Variants in KLHL29 observed in about 807,000 individuals in gnomAD.
The protein encoded by KLHL29 is kelch-like protein 29.
In KLHL29, 21 loss-of-function variants were observed where a neutral mutation model predicts 80.4. The ratio of observed to expected loss-of-function variants is 0.26; its 90% CI spans 0.19 to 0.38. The LOEUF (loss-of-function observed/expected upper bound fraction) is 0.38, where lower values mean the gene tolerates loss of function less well. Among genes scored for constraint, KLHL29 ranks in the 10% least tolerant of loss-of-function variants. The probability of loss-of-function intolerance (pLI) is 1.00; values close to 1 mark genes in which losing one functional copy is unlikely to be tolerated. For synonymous variants in KLHL29, 511 were observed against 526.8 expected, an observed-to-expected ratio of 0.97 and a Z score of 0.41; for missense variants, 867 against 1,223.9, an observed-to-expected ratio of 0.71 and a Z score of 4.35.
chr2:23,491,644 C>T (rs1224186520), intron 2 of KLHL29, among the ~76,000 whole-genome samples: 1 of 152,142 alleles, frequency 6.6e-6, no homozygotes, highest in Non-Finnish European at 1.5e-5. Flanking sequence ...ATATCACTGT[C>T]TTCCAGCCCT....
Position 23,691,891 on chromosome 2 carries a change from C to T in KLHL29, c.1282+15C>T, listed in dbSNP as rs1364971763. 2.6e-6 allele frequency: 4 copies of T among 1,546,398 alleles called. No homozygotes were observed. In the South Asian group the frequency reaches 4.8e-5, roughly 18 times the overall value. Reference sequence around the variant, plus strand: ...GTCCTTTCTCGGTGAGCCCGGGGGCCACATATGTCGCTTGGGGGGAAGAGT... The same window carrying T: ...GTCCTTTCTCGGTGAGCCCGGGGGCTACATATGTCGCTTGGGGGGAAGAGT... On this transcript the variant is annotated intron_variant, in intron 7 of 13. Coordinates refer to ENST00000486442, the MANE Select transcript of KLHL29 (RefSeq NM_052920.2).
At chr2:23,554,953 T>C (rs1667246071) in intron 2 of KLHL29, among the ~76,000 whole-genome samples, 1 of 152,012 alleles carries the variant, frequency 6.6e-6, no homozygotes, top group African/African-American at 2.4e-5. Flanking sequence ...GGCACCAGGA[T>C]TTCCTTCCTG....
Position 23,614,932 on chromosome 2 carries a change from A to G in KLHL29, c.286-24207A>G, listed in dbSNP as rs540907077. 2.0e-4 allele frequency among the ~76,000 whole-genome samples: 30 copies of G among 152,290 alleles called. No individual in the cohort carries two copies. In the South Asian group the frequency reaches 6.2e-3, roughly 32 times the overall value. ...CCCTGGGCATTGATGATGGGAATGG[A>G]GTGTGCTGCTCCCTGCAGCCCCAGG... On this transcript the variant is annotated intron_variant, in intron 3 of 13. Transcript: ENST00000486442.
At chr2:23,554,847 G>A (rs1021633120) in intron 2 of KLHL29, among the ~76,000 whole-genome samples, 1 of 152,160 alleles carries the variant, frequency 6.6e-6, no homozygotes, top group Non-Finnish European at 1.5e-5. Flanking sequence ...CTGCGTGGCA[G>A]GGCTGCCGAT....
intron 3 of KLHL29, among the ~76,000 whole-genome samples, chr2:23,606,581 C>T (rs1433804857): frequency 1.3e-5 from 2 of 152,214 alleles, no homozygotes; most frequent in African/African-American, 4.8e-5. Flanking sequence ...GTCTTATAAA[C>T]GCAATTAGCA....
chr2:23,431,690 G>A (rs1375952363), intron 1 of KLHL29, among the ~76,000 whole-genome samples: 8 of 152,062 alleles, frequency 5.3e-5, no homozygotes, highest in Non-Finnish European at 7.4e-5. Flanking sequence ...TCAGGAGATC[G>A]AGACCATCCT....
intron 2 of KLHL29, among the ~76,000 whole-genome samples, chr2:23,548,303 GCACACA>G (rs377087178): frequency 1.4e-4 from 21 of 149,500 alleles, no homozygotes; most frequent in African/African-American, 4.7e-4. Flanking sequence ...ACACACACAG[GCACACA>G]CACACACAGA....
At position 23,703,706 on chromosome 2, in the gene KLHL29, G is replaced by C. The variant is rs758006127; in HGVS notation, c.2300-13G>C. ...CAAGCTGCCGTGACCTGCCTGCTCTGCTCTCCTCACAGACAACAAGTATGC... is the reference window on the plus strand; with the variant it reads ...CAAGCTGCCGTGACCTGCCTGCTCTCCTCTCCTCACAGACAACAAGTATGC... On this transcript the variant is annotated splice_polypyrimidine_tract_variant and intron_variant, in intron 12 of 13. Transcript: ENST00000486442. The C allele has an allele frequency of 9.1e-6, 14 of 1,532,586 alleles. No individual in the cohort carries two copies. The highest frequency in any genetic ancestry group is 1.7e-4 in the Middle Eastern group (1 of 5,970). 94.9% of individuals were successfully genotyped at this position (1,532,586 alleles called of 1,614,324 possible).
intron 3 of KLHL29, among the ~76,000 whole-genome samples, chr2:23,625,749 C>T (rs1302792358): frequency 1.3e-5 from 2 of 152,280 alleles, no homozygotes; most frequent in Middle Eastern, 3.4e-3. Flanking sequence ...AGGTTGAAGC[C>T]CTAATTACCA....
rs953044277 is a variant in KLHL29, at chr2:23,420,716, C to T, written c.-154+34936C>T. On this transcript the variant is annotated intron_variant, in intron 1 of 13. Coordinates refer to ENST00000486442, the MANE Select transcript of KLHL29 (RefSeq NM_052920.2). ...AGTGCCTGCTGGACCTTGTGCTGGC[C>T]GCCTTTGGGTCTGGGGCCATCTCTG... 5.9e-5 allele frequency among the ~76,000 whole-genome samples: 9 copies of T among 152,282 alleles called. No homozygotes were observed. The South Asian group carries it at 1.0e-3, about 18-fold the overall frequency.
At chr2:23,688,603 A>C (rs1671386670) in intron 6 of KLHL29, among the ~76,000 whole-genome samples, 1 of 151,268 alleles carries the variant, frequency 6.6e-6, no homozygotes, top group African/African-American at 2.4e-5. Context: ...GGGCACCCCC[A>C]CGCCCAGAAG....
chr2:23,458,476 C>A (rs1454942145), intron 1 of KLHL29, among the ~76,000 whole-genome samples: 1 of 152,232 alleles, frequency 6.6e-6, no homozygotes, highest in Non-Finnish European at 1.5e-5. Context: ...CGCGTGCTGG[C>A]CCCTGGACTA....
rs986958946 is a variant in KLHL29 at position 23,708,084 on chromosome 2, T to C, written c.*1420T>C. Reference sequence around the variant, plus strand: ...GGGAAGTCAACTTGCCATCGTTTCATGATAACAACCATTTATAAGAGAAAA... The same window carrying C: ...GGGAAGTCAACTTGCCATCGTTTCACGATAACAACCATTTATAAGAGAAAA... On this transcript the variant is annotated 3_prime_UTR_variant, in exon 14 of 14. Coordinates refer to ENST00000486442, the MANE Select transcript of KLHL29 (RefSeq NM_052920.2). 6.6e-6 allele frequency: 1 copy of C among 152,200 alleles called. No homozygotes were observed. 9.4% of individuals were successfully genotyped at this position (152,200 alleles called of 1,614,324 possible).
At chr2:23,448,129 C>T (rs1228225818) in intron 1 of KLHL29, among the ~76,000 whole-genome samples, 1 of 152,032 alleles carries the variant, frequency 6.6e-6, no homozygotes, top group East Asian at 1.9e-4. Context: ...AGGACTTCCC[C>T]ATTCCTGGAA....
intron 1 of KLHL29, among the ~76,000 whole-genome samples, chr2:23,420,471 T>C (rs1214350678): frequency 6.6e-6 from 1 of 152,188 alleles, no homozygotes; most frequent in Admixed American, 6.5e-5. Flanking sequence ...GACCGGGCTG[T>C]CTGGAGTCCT....
At chr2:23,658,374 A>G (rs1670304769) in intron 5 of KLHL29, among the ~76,000 whole-genome samples, 1 of 152,148 alleles carries the variant, frequency 6.6e-6, no homozygotes, top group African/African-American at 2.4e-5. Flanking sequence ...TGACAGGGTG[A>G]CAAGATCTGG....
At chr2:23,546,959 G>A (rs995151123) in intron 2 of KLHL29, among the ~76,000 whole-genome samples, 1 of 152,192 alleles carries the variant, frequency 6.6e-6, no homozygotes, top group Admixed American at 6.5e-5. Flanking sequence ...AGACAGACTT[G>A]AGCCATCTGG....
chr2:23,462,181 C>T (rs769957113), intron 1 of KLHL29, among the ~76,000 whole-genome samples: 1 of 151,870 alleles, frequency 6.6e-6, no homozygotes, highest in South Asian at 2.1e-4. Flanking sequence ...AAAGAAGAGC[C>T]CAGACACATT....
intron 8 of KLHL29, 108 bp downstream of exon 8, chr2:23,693,636 C>A: frequency 8.5e-7 from 1 of 1,177,720 alleles, no homozygotes. Flanking sequence ...GTCCTGCTCT[C>A]CCTAAGTGGC....
Sources: gnomAD v4.1 joint callset for allele counts (sites outside exome capture counted in the v4.1 genomes callset) on GRCh38, gnomAD v4.1.1 for gene constraint, MANE v1.5 for transcripts, NCBI Gene and HGNC (gene_info 2026-07-23, HGNC 2026-07-21) for gene names.